Variants in TBCK observed in about 807,000 individuals in gnomAD.
TBCK encodes TBC domain-containing protein kinase-like protein.
Under a neutral mutation model 113.4 loss-of-function variants are expected in TBCK, and 99 were observed. The ratio of observed to expected loss-of-function variants is 0.87; its 90% CI spans 0.74 to 1.03. The LOEUF (loss-of-function observed/expected upper bound fraction) is 1.03. TBCK is among the 50% of genes least tolerant of loss of function. The pLI is 0.00. For missense variants in TBCK, 1,045 were observed against 1,061.3 expected, an observed-to-expected ratio of 0.98 and a Z score of 0.21; for synonymous variants, 369 against 370.8, an observed-to-expected ratio of 1.00 and a Z score of 0.05.
At chr4:106,066,025 AG>A (rs1220774289) in intron 25 of TBCK, among the ~76,000 whole-genome samples, 1 of 152,096 alleles carries the variant, frequency 6.6e-6, no homozygotes, top group African/African-American at 2.4e-5. Context: ...ACCATCTTAT[AG>A]CAATAAACCG....
chr4:106,302,885 C>G (rs1290470093), intron 2 of TBCK, among the ~76,000 whole-genome samples: 2 of 152,170 alleles, frequency 1.3e-5, no homozygotes, highest in African/African-American at 4.8e-5. Context: ...ATTAATGTCA[C>G]TAAAGCCAGG....
At chr4:106,200,019 A>G (rs1579214920) in intron 20 of TBCK, among the ~76,000 whole-genome samples, 1 of 152,296 alleles carries the variant, frequency 6.6e-6, no homozygotes, top group East Asian at 1.9e-4. Context: ...GATGATCAAC[A>G]AAACTATGTA....
At chr4:106,259,950 T>C (rs1237503165) in intron 5 of TBCK, among the ~76,000 whole-genome samples, 2 of 151,904 alleles carry the variant, frequency 1.3e-5, no homozygotes, top group Non-Finnish European at 2.9e-5. Flanking sequence ...AACTTAAACA[T>C]AGACTTTCAG....
intron 19 of TBCK, among the ~76,000 whole-genome samples, chr4:106,216,231 A>G (rs1756897755): frequency 6.6e-6 from 1 of 151,126 alleles, no homozygotes. Flanking sequence ...GTAGAGGGAA[A>G]TTTATAGCAC....
At position 106,295,018 on chromosome 4, in the gene TBCK, C is replaced by A. The variant is rs1766131992; in HGVS notation, c.266+76G>T. Reference sequence around the variant, plus strand: ...AACAAGTAACAAAAGAAACCAAACCCCTGCAGTTTAAACAAAATGCCTTTT... The same window carrying A: ...AACAAGTAACAAAAGAAACCAAACCACTGCAGTTTAAACAAAATGCCTTTT... On this transcript the variant is annotated intron_variant, in intron 3 of 25. Transcript: ENST00000394708. 4.2e-6 allele frequency: 5 copies of A among 1,199,624 alleles called. No homozygotes were observed. In the East Asian group the frequency reaches 1.2e-4, roughly 29 times the overall value. 74.3% of individuals were successfully genotyped at this position (1,199,624 alleles called of 1,614,324 possible).
intron 25 of TBCK, among the ~76,000 whole-genome samples, chr4:106,055,566 A>T (rs1735290538): frequency 6.6e-6 from 1 of 151,492 alleles, no homozygotes; most frequent in Non-Finnish European, 1.5e-5. Context: ...ACACACACAC[A>T]CACACACACA....
intron 18 of TBCK, among the ~76,000 whole-genome samples, chr4:106,231,437 T>C (rs1221336438): frequency 1.3e-5 from 2 of 151,730 alleles, no homozygotes; most frequent in Non-Finnish European, 1.5e-5. Context: ...GCCACCATAA[T>C]TGATTTCTTT....
At chr4:106,256,715 A>G (rs1762032213) in intron 5 of TBCK, among the ~76,000 whole-genome samples, 1 of 151,910 alleles carries the variant, frequency 6.6e-6, no homozygotes, top group Non-Finnish European at 1.5e-5. Context: ...AGGCTCCGTG[A>G]AGTGACAGCC....
At chr4:106,064,498 T>C (rs1428703668) in intron 25 of TBCK, among the ~76,000 whole-genome samples, 2 of 151,828 alleles carry the variant, frequency 1.3e-5, no homozygotes, top group East Asian at 3.9e-4. Flanking sequence ...GTATTAACTT[T>C]GTGCCAAGAA....
At chr4:106,229,408 A>T (rs1198005864) in intron 19 of TBCK, among the ~76,000 whole-genome samples, 1 of 151,772 alleles carries the variant, frequency 6.6e-6, no homozygotes, top group African/African-American at 2.4e-5. Context: ...AACCATTTTG[A>T]TTTGATTTTT....
chr4:106,086,222 T>C (rs1413245930), intron 25 of TBCK, among the ~76,000 whole-genome samples: 1 of 151,664 alleles, frequency 6.6e-6, no homozygotes, highest in Non-Finnish European at 1.5e-5. Context: ...AAGAATCAAA[T>C]AGACAGGATA....
intron 3 of TBCK, among the ~76,000 whole-genome samples, chr4:106,266,937 T>A (rs546367439): frequency 3.4e-4 from 52 of 152,000 alleles, no homozygotes; most frequent in African/African-American, 1.0e-3. Context: ...GTAGTTAACA[T>A]GTTACAGTTT....
intron 3 of TBCK, among the ~76,000 whole-genome samples, chr4:106,286,801 C>T (rs993143762): frequency 6.7e-6 from 1 of 148,780 alleles, no homozygotes; most frequent in Non-Finnish European, 1.5e-5. Flanking sequence ...GAGGTCAAGG[C>T]TACAGTAAGC....
At chr4:106,112,601 T>A (rs1223699071) in intron 24 of TBCK, among the ~76,000 whole-genome samples, 1 of 152,216 alleles carries the variant, frequency 6.6e-6, no homozygotes, top group African/African-American at 2.4e-5. Flanking sequence ...GCTTACTCTG[T>A]TTATTTATTG....
chr4:106,113,435 T>C (rs1235682083), intron 24 of TBCK, among the ~76,000 whole-genome samples: 2 of 152,184 alleles, frequency 1.3e-5, no homozygotes, highest in Non-Finnish European at 2.9e-5. Flanking sequence ...CTAAAACCTC[T>C]CAAGACATAA....
At chr4:106,293,129 T>G (rs1216636898) in intron 3 of TBCK, among the ~76,000 whole-genome samples, 1 of 152,214 alleles carries the variant, frequency 6.6e-6, no homozygotes, top group Non-Finnish European at 1.5e-5. Flanking sequence ...CCAGGTGAAT[T>G]GACTTCATCT....
At chr4:106,082,588 TA>T (rs766445474) in intron 25 of TBCK, among the ~76,000 whole-genome samples, 1 of 150,196 alleles carries the variant, frequency 6.7e-6, no homozygotes, top group Non-Finnish European at 1.5e-5. Context: ...AACTTCAACT[TA>T]AAAAAATAGA....
chr4:106,125,913 C>G (rs757920228), intron 23 of TBCK, among the ~76,000 whole-genome samples: 2 of 152,156 alleles, frequency 1.3e-5, no homozygotes, highest in African/African-American at 2.4e-5. Context: ...ATATTTCCAA[C>G]ACAAAGCAAC....
chr4:106,080,829 T>A (rs558090226), intron 25 of TBCK, among the ~76,000 whole-genome samples: 176 of 150,716 alleles, frequency 1.2e-3, no homozygotes, highest in African/African-American at 4.2e-3. Flanking sequence ...AATTCACAAT[T>A]AAAAAAAAAC....
Sources: gnomAD v4.1 joint callset for allele counts (sites outside exome capture counted in the v4.1 genomes callset) on GRCh38, gnomAD v4.1.1 for gene constraint, MANE v1.5 for transcripts, NCBI Gene and HGNC (gene_info 2026-07-23, HGNC 2026-07-21) for gene names.